Variants in CADM2 observed in about 807,000 individuals in gnomAD.
The protein encoded by CADM2 is cell adhesion molecule 2, also known as immunoglobulin superfamily member 4D.
Under a neutral mutation model 49.8 loss-of-function variants are expected in CADM2, and 12 were observed. That is an observed-to-expected ratio of 0.24 (90% CI 0.15 to 0.39). CADM2 has a LOEUF of 0.39. CADM2 is among the 10% of genes least tolerant of loss of function. The pLI, the probability that CADM2 is intolerant of heterozygous loss-of-function variation, is 1.00. For missense variants in CADM2, 378 were observed against 492.3 expected (o/e 0.77, Z 2.20); for synonymous variants, 214 against 175.4 (o/e 1.22, Z -1.74).
At chr3:85,559,846 G>T (rs1245751827) in intron 1 of CADM2, among the ~76,000 whole-genome samples, 1 of 152,084 alleles carries the variant, frequency 6.6e-6, no homozygotes, top group Admixed American at 6.6e-5. Context: ...GTTTTGGAAT[G>T]ATGTTAATTT....
At chr3:85,158,638 C>G (rs2040218121) in intron 1 of CADM2, among the ~76,000 whole-genome samples, 2 of 151,922 alleles carry the variant, frequency 1.3e-5, no homozygotes, top group Non-Finnish European at 2.9e-5. Context: ...GGGAATTGAA[C>G]AATGAGAACA....
chr3:85,301,081 A>G (rs912898087), intron 1 of CADM2, among the ~76,000 whole-genome samples: 1 of 152,094 alleles, frequency 6.6e-6, no homozygotes, highest in Non-Finnish European at 1.5e-5. Flanking sequence ...CTAAGCATCT[A>G]CAATAAGATA....
intron 1 of CADM2, among the ~76,000 whole-genome samples, chr3:85,661,309 C>T (rs1302116939): frequency 6.6e-6 from 1 of 152,068 alleles, no homozygotes; most frequent in Admixed American, 6.6e-5. Flanking sequence ...GACTAGCTTC[C>T]TTTGTAGATC....
chr3:85,391,611 C>T (rs1307319353), intron 1 of CADM2, among the ~76,000 whole-genome samples: 1 of 152,004 alleles, frequency 6.6e-6, no homozygotes, highest in Non-Finnish European at 1.5e-5. Flanking sequence ...TTGTGCAATA[C>T]AAATCTTTGT....
chr3:85,077,704 AAAAGT>A (rs1382155751), intron 1 of CADM2, among the ~76,000 whole-genome samples: 2 of 152,150 alleles, frequency 1.3e-5, no homozygotes. Flanking sequence ...TTCTCGAAAT[AAAAGT>A]AAATGAGATT....
At chr3:85,257,551 G>A (rs530743315) in intron 1 of CADM2, among the ~76,000 whole-genome samples, 1 of 152,034 alleles carries the variant, frequency 6.6e-6, no homozygotes, top group Non-Finnish European at 1.5e-5. Flanking sequence ...AATTTTGAAG[G>A]TAATGAGAAG....
At chr3:85,071,704 A>G (rs2036749901) in intron 1 of CADM2, among the ~76,000 whole-genome samples, 1 of 152,094 alleles carries the variant, frequency 6.6e-6, no homozygotes, top group Non-Finnish European at 1.5e-5. Context: ...AATCAAAATG[A>G]CTGCTCAAAT....
intron 8 of CADM2, among the ~76,000 whole-genome samples, chr3:86,061,848 G>A (rs1738686702): frequency 1.3e-5 from 2 of 152,078 alleles, no homozygotes; most frequent in Admixed American, 1.3e-4. Flanking sequence ...ACATTATTAT[G>A]TTAACCTGTA....
At chr3:85,715,280 G>C (rs1032297477) in intron 1 of CADM2, among the ~76,000 whole-genome samples, 3 of 152,078 alleles carry the variant, frequency 2.0e-5, no homozygotes, top group African/African-American at 7.2e-5. Context: ...ATTTTTCAAA[G>C]AAGCATTATT....
At chr3:85,648,323 T>G (rs1391853578) in intron 1 of CADM2, among the ~76,000 whole-genome samples, 1 of 151,984 alleles carries the variant, frequency 6.6e-6, no homozygotes, top group Non-Finnish European at 1.5e-5. Context: ...GATGTTTTAA[T>G]TGTCCTCTTG....
intron 1 of CADM2, among the ~76,000 whole-genome samples, chr3:85,263,142 G>A (rs753828785): frequency 2.0e-4 from 31 of 151,890 alleles, no homozygotes; most frequent in African/African-American, 4.8e-4. Context: ...ACAGGCACAC[G>A]CTGACATGCC....
At chr3:85,568,644 C>T (rs557316699) in intron 1 of CADM2, among the ~76,000 whole-genome samples, 268 of 128,958 alleles carry the variant, frequency 2.1e-3, no homozygotes, top group Non-Finnish European at 2.9e-3. Flanking sequence ...TGTCTGTTGC[C>T]GAGGCTGGAG....
At chr3:85,164,073 C>T (rs1214954587) in intron 1 of CADM2, among the ~76,000 whole-genome samples, 1 of 151,842 alleles carries the variant, frequency 6.6e-6, no homozygotes, top group Non-Finnish European at 1.5e-5. Context: ...AAATGAATAC[C>T]AGTAACTACA....
chr3:85,664,487 G>C (rs1445981863), intron 1 of CADM2, among the ~76,000 whole-genome samples: 1 of 151,862 alleles, frequency 6.6e-6, no homozygotes, highest in Non-Finnish European at 1.5e-5. Flanking sequence ...CCCTACATCA[G>C]ATGCATCAAC....
At chr3:85,018,505 C>T (rs1452756040) in intron 1 of CADM2, among the ~76,000 whole-genome samples, 3 of 152,054 alleles carry the variant, frequency 2.0e-5, no homozygotes, top group African/African-American at 7.2e-5. Context: ...AGGCGCCCGC[C>T]ACCATGCCTG....
chr3:85,276,123 A>G (rs1576262475), intron 1 of CADM2, among the ~76,000 whole-genome samples: 1 of 151,332 alleles, frequency 6.6e-6, no homozygotes, highest in East Asian at 1.9e-4. Context: ...AAGATATGTA[A>G]TCACTTGTTC....
intron 2 of CADM2, among the ~76,000 whole-genome samples, chr3:85,793,147 G>T (rs139340970): frequency 2.6e-5 from 4 of 152,122 alleles, no homozygotes; most frequent in African/African-American, 9.7e-5. Context: ...AGGAATAATG[G>T]CAACTGCTCA....
chr3:85,987,959 C>A (rs1305541444), intron 8 of CADM2, among the ~76,000 whole-genome samples: 1 of 152,058 alleles, frequency 6.6e-6, no homozygotes, highest in Non-Finnish European at 1.5e-5. Context: ...AGGCACTGCC[C>A]TTGCTTCTTT....
chr3:85,387,281 T>G (rs1576463236), intron 1 of CADM2, among the ~76,000 whole-genome samples: 1 of 152,220 alleles, frequency 6.6e-6, no homozygotes, highest in African/African-American at 2.4e-5. Context: ...TCACTGGAAA[T>G]TTTTTAAATA....
Sources: allele counts gnomAD v4.1 joint callset (sites outside exome capture counted in the v4.1 genomes callset), GRCh38; gene constraint gnomAD v4.1.1; transcripts MANE v1.5; gene names NCBI Gene and HGNC (gene_info 2026-07-23, HGNC 2026-07-21).